The following PEX13 variants were observed in gnomAD, a reference collection of about 807,000 sequenced individuals.
PEX13 encodes peroxisomal biogenesis factor 13.
A neutral mutation model predicts 34.5 loss-of-function variants in PEX13; 28 were observed. That is an observed-to-expected ratio of 0.81 (90% confidence interval 0.60 to 1.11). The LOEUF (loss-of-function observed/expected upper bound fraction) is 1.11, where lower values mean the gene tolerates loss of function less well. Among genes scored for constraint, PEX13 ranks in the 50% most tolerant of loss-of-function variants. The pLI is 0.00. For synonymous variants in PEX13, 177 were observed against 175.1 expected (o/e 1.01, Z -0.09); for missense variants, 550 against 491.0 (o/e 1.12, Z -1.13).
rs948971918 is a variant in PEX13 at position 61,017,782 on chromosome 2, C to A, written c.23C>A (p.Pro8His). 1.3e-6 allele frequency: 2 copies of A among 1,550,186 alleles called. No homozygotes were observed. The highest frequency in any genetic ancestry group is 2.4e-5 in the East Asian group (1 of 41,058). MASQPPP[P>H]PKPWETRRIP... ...GAGATGGCGTCCCAGCCGCCACCTC[C>A]CCCCAAACCCTGGGAGACCCGCCGA... is the stretch of plus-strand genomic sequence containing the variant. Residue 8 changes from proline to histidine, a missense_variant, in exon 1 of 4, where the codon CCC becomes CAC. Pro to His is a moderately conservative substitution (Grantham distance 77, BLOSUM62 -2). Coordinates refer to ENST00000295030, the MANE Select transcript of PEX13 (RefSeq NM_002618.4).
chr2:61,024,772 G>T (rs1366587137), intron 1 of PEX13, among the ~76,000 whole-genome samples: 1 of 152,152 alleles, frequency 6.6e-6, no homozygotes, highest in Non-Finnish European at 1.5e-5. Context: ...TCACGCCACT[G>T]CAGTCCAGCC....
In PEX13 at chr2:61,046,605, C is replaced by T. The variant is rs116172556; in HGVS notation, c.913+754C>T. On this transcript the variant is annotated intron_variant, in intron 3 of 3. Coordinates refer to ENST00000295030, the MANE Select transcript of PEX13 (RefSeq NM_002618.4). Reference sequence around the variant, plus strand: ...ATTTCATTTAAGCCTTACAATAATACGGTGAAGTGGTACTATTATTATCCT... The same window carrying T: ...ATTTCATTTAAGCCTTACAATAATATGGTGAAGTGGTACTATTATTATCCT... Among the ~76,000 whole-genome samples, 1,494 of 152,190 alleles carry T rather than the reference C, an allele frequency of 9.8e-3. 31 individuals are homozygous for T. The highest frequency in any genetic ancestry group is 0.034 in the African/African-American group (1,407 of 41,526).
At chr2:61,018,907 A>C (rs1397348229) in intron 1 of PEX13, 1 of 152,268 alleles carries the variant, frequency 6.6e-6, no homozygotes, top group Non-Finnish European at 1.5e-5. Context: ...AGTTCTTTTT[A>C]TGTAAAATTA....
At position 61,017,861 on chromosome 2, in the gene PEX13, G is replaced by A. The variant is rs1387361776; in HGVS notation, c.92+10G>A. ...CGGGCCCCACTTTCCAGTGAGTGTG[G>A]GATTCTTCAGGCTGTGAGTTTAGTG... On this transcript the variant is annotated intron_variant, in intron 1 of 3. Coordinates refer to ENST00000295030, the MANE Select transcript of PEX13 (RefSeq NM_002618.4). 1 of 1,550,058 alleles carries A rather than the reference G, an allele frequency of 6.5e-7. No homozygotes were observed. The highest frequency in any genetic ancestry group is 8.7e-7 in the Non-Finnish European group (1 of 1,146,418).
chr2:61,041,186 G>A (rs533351886), intron 2 of PEX13, among the ~76,000 whole-genome samples: 19 of 152,202 alleles, frequency 1.2e-4, no homozygotes, highest in East Asian at 9.7e-4. Context: ...AAAAGTATCC[G>A]GGTGTGGTGG....
chr2:61,048,831 C>A lies in PEX13; in HGVS notation c.*61C>A. On this transcript the variant is annotated 3_prime_UTR_variant, in exon 4 of 4. Transcript: ENST00000295030. ...TAGAGTACTTTTTAAAATTATTTCTCACAAAGAAATGAATGTACAATCCAA... is the reference window on the plus strand; with the variant it reads ...TAGAGTACTTTTTAAAATTATTTCTAACAAAGAAATGAATGTACAATCCAA... The A allele has an allele frequency of 1.5e-6, 2 of 1,321,504 alleles. No individual in the cohort carries two copies. The highest frequency in any genetic ancestry group is 2.2e-6 in the Non-Finnish European group (2 of 919,312). 81.9% of individuals were successfully genotyped at this position (1,321,504 alleles called of 1,614,324 possible).
chr2:61,038,258 G>A (rs1471046286), intron 2 of PEX13, among the ~76,000 whole-genome samples: 1 of 152,260 alleles, frequency 6.6e-6, no homozygotes, highest in Non-Finnish European at 1.5e-5. Flanking sequence ...CATTTTATGA[G>A]GCCAGCATCA....
At position 61,031,601 on chromosome 2, in the gene PEX13, G is replaced by T. The variant is rs745620818; in HGVS notation, c.275G>T (p.Gly92Val). Residue 92 changes from glycine (G) to valine (V), a missense_variant, in exon 2 of 4, where the codon GGC (glycine) becomes GTC (valine). Gly to Val is a moderately radical substitution (Grantham distance 109). Transcript: ENST00000295030. ...GCCTATGGAAATTCATTTTATGGAG[G>T]CTATAGTCCTTATAGTTATGGATAT... ...YGAYGNSFYG[G>V]YSPYSYGYNG... The T allele has an allele frequency of 6.2e-7, 1 of 1,613,996 alleles. No homozygotes were observed. Among genetic ancestry groups the T allele is most frequent in the South Asian group, 1.1e-5 (1 of 91,088 alleles).
chr2:61,020,148 C>T (rs1313240223), intron 1 of PEX13, among the ~76,000 whole-genome samples: 1 of 152,144 alleles, frequency 6.6e-6, no homozygotes, highest in Non-Finnish European at 1.5e-5. Flanking sequence ...ATGGCGTGAA[C>T]CCACGAGGCG....
At chr2:61,035,410 C>T (rs565013402) in intron 2 of PEX13, among the ~76,000 whole-genome samples, 1 of 152,180 alleles carries the variant, frequency 6.6e-6, no homozygotes, top group Non-Finnish European at 1.5e-5. Context: ...ACCAGAGCGC[C>T]TCTTCTCCAA....
intron 1 of PEX13, among the ~76,000 whole-genome samples, chr2:61,029,644 A>G (rs1680417646): frequency 6.6e-6 from 1 of 152,168 alleles, no homozygotes; most frequent in African/African-American, 2.4e-5. Flanking sequence ...CCAACTGTGG[A>G]TCAAAAATAT....
rs778504607 is a variant in PEX13 at position 61,031,462 on chromosome 2, C to A, written c.136C>A (p.Pro46Thr). ...TACTTTAATGACAAGACCTGGACAACCAGCACTTACCAGAGTGCCCCCACC... is the reference window on the plus strand; with the variant it reads ...TACTTTAATGACAAGACCTGGACAAACAGCACTTACCAGAGTGCCCCCACC... Reference protein sequence around the residue: ...GPTLMTRPGQPALTRVPPPIL... With the variant: ...GPTLMTRPGQTALTRVPPPIL... The change falls in exon 2 of 4, where the codon CCA becomes ACA. Residue 46 changes from proline to threonine, a missense_variant. Coordinates refer to ENST00000295030, the MANE Select transcript of PEX13 (RefSeq NM_002618.4). 8.7e-6 allele frequency: 14 copies of A among 1,614,040 alleles called. No individual in the cohort carries two copies. Among genetic ancestry groups the A allele is most frequent in the African/African-American group, 1.3e-5 (1 of 74,936 alleles).
At chr2:61,018,179 T>C in intron 1 of PEX13, 2 of 1,550,850 alleles carry the variant, frequency 1.3e-6, no homozygotes, top group Non-Finnish European at 1.7e-6. Context: ...TCTCTATCTT[T>C]AAAGCGTAGA....
At chr2:61,048,425 C>A (rs754401250) in intron 3 of PEX13, 47 bp from the exon 4 acceptor site, 6 of 1,486,430 alleles carry the variant, frequency 4.0e-6, no homozygotes, top group South Asian at 2.3e-5. Context: ...TTCTGTTGGA[C>A]CTCCAAAGTA....
rs1262487100 is a variant in PEX13 at position 61,051,441 on chromosome 2, T to G, written c.*2671T>G. 6.6e-6 allele frequency: 1 copy of G among 152,346 alleles called. No individual in the cohort carries two copies. Among genetic ancestry groups the G allele is most frequent in the Non-Finnish European group, 1.5e-5 (1 of 68,024 alleles). The allele number at this position is 152,346 out of a possible 1,614,324, so 9.4% of individuals were successfully genotyped here. A position where few individuals can be genotyped will look rare whatever the true frequency, so the allele number is the denominator to read the frequency against. On this transcript the variant is annotated 3_prime_UTR_variant, in exon 4 of 4. Transcript: ENST00000295030. ...GACACTTTTGTAGGGGTGTTTATTG[T>G]TTGGTTAAGTCTGCTAAATTACGGT...
chr2:61,031,422 T>A lies in PEX13; in HGVS notation c.96T>A (p.Ser32=), dbSNP rs765390329. 2 of 1,613,630 alleles carry A rather than the reference T, an allele frequency of 1.2e-6. No homozygotes were observed. Among genetic ancestry groups the A allele is most frequent in the Non-Finnish European group, 1.7e-6 (2 of 1,179,538 alleles). The change falls in exon 2 of 4, where the codon TCT becomes TCA. Residue 32 remains serine, a synonymous_variant. Coordinates refer to ENST00000295030, the MANE Select transcript of PEX13 (RefSeq NM_002618.4). The stretch of plus-strand genomic sequence containing the variant: ...TTTGAATCTTTTTTGGTTTTAGATC[T>A]GCTGATTTGGGTCCTACTTTAATGA... The part of the protein sequence containing the change: ...PGPGPGPTFQ[S]ADLGPTLMTR...
chr2:61,024,605 C>G (rs537019647), intron 1 of PEX13, among the ~76,000 whole-genome samples: 1 of 152,090 alleles, frequency 6.6e-6, no homozygotes, highest in Non-Finnish European at 1.5e-5. Flanking sequence ...GTCAGGAGAT[C>G]GAGACCATCC....
chr2:61,033,371 A>G (rs1261849213), intron 2 of PEX13, among the ~76,000 whole-genome samples: 1 of 152,204 alleles, frequency 6.6e-6, no homozygotes, highest in Non-Finnish European at 1.5e-5. Flanking sequence ...TGAGGTATAT[A>G]AAGGCAAAGT....
intron 2 of PEX13, among the ~76,000 whole-genome samples, chr2:61,036,446 C>A (rs1573555983): frequency 6.6e-6 from 1 of 152,240 alleles, no homozygotes; most frequent in Non-Finnish European, 1.5e-5. Context: ...AGAAACCCTA[C>A]AAGCCAGAAG....
Sources: gnomAD v4.1 joint callset for allele counts (sites outside exome capture counted in the v4.1 genomes callset) on GRCh38, gnomAD v4.1.1 for gene constraint, MANE v1.5 for transcripts, NCBI Gene and HGNC (gene_info 2026-07-23, HGNC 2026-07-21) for gene names.